The following XPO4 variants were observed in gnomAD, a reference collection of about 807,000 sequenced individuals.
The protein encoded by XPO4 is exportin 4, also known as exportin-4.
A neutral mutation model predicts 143.0 loss-of-function variants in XPO4; 39 were observed. The observed-to-expected ratio is 0.27, with a 90% CI of 0.21 to 0.36. The LOEUF is 0.36. Among genes scored for constraint, XPO4 ranks in the 10% least tolerant of loss-of-function variants. The probability of loss-of-function intolerance (pLI) is 1.00; values close to 1 mark genes in which losing one functional copy is unlikely to be tolerated. For missense variants in XPO4, 907 were observed against 1,348.0 expected (o/e 0.67, Z 5.12); for synonymous variants, 439 against 474.0 (o/e 0.93, Z 0.96).
intron 1 of XPO4, among the ~76,000 whole-genome samples, chr13:20,870,036 G>A (rs942783579): frequency 7.0e-6 from 1 of 142,662 alleles, no homozygotes; most frequent in African/African-American, 2.6e-5. Context: ...GGAGGCAGAG[G>A]TTGCAGTGAG....
chr13:20,787,155 A>T, intron 21 of XPO4, 98 bp from the exon 22 acceptor site: 2 of 1,011,176 alleles, frequency 2.0e-6, no homozygotes, highest in Non-Finnish European at 2.8e-6. Context: ...GTTGGTTGTT[A>T]TTCTATTTAT....
rs1222213648 is a variant in XPO4 at position 20,780,398 on chromosome 13, G to A, written c.*3324C>T. 6.6e-6 allele frequency: 1 copy of A among 152,084 alleles called. No homozygotes were observed. The highest frequency in any genetic ancestry group is 1.5e-5 in the Non-Finnish European group (1 of 68,028). 9.4% of individuals were successfully genotyped at this position (152,084 alleles called of 1,614,324 possible). On this transcript the variant is annotated 3_prime_UTR_variant, in exon 23 of 23. Transcript: ENST00000255305. ...AGCTAGTTCCCTTCAATACTTTAGG[G>A]GTTCATAGAAGTATTAACAGAAATG...
chr13:20,840,946 T>C (rs1164014048), intron 6 of XPO4, among the ~76,000 whole-genome samples: 1 of 152,250 alleles, frequency 6.6e-6, no homozygotes, highest in Non-Finnish European at 1.5e-5. Context: ...TTGCTTATCA[T>C]TTTCAGATGA....
chr13:20,787,717 T>A, intron 20 of XPO4, 119 bp from the exon 21 acceptor site: 2 of 740,934 alleles, frequency 2.7e-6, no homozygotes, highest in Non-Finnish European at 4.5e-6. Flanking sequence ...GATACACAAG[T>A]AGACTCATGG....
intron 13 of XPO4, among the ~76,000 whole-genome samples, chr13:20,806,903 A>G (rs989604347): frequency 6.6e-6 from 1 of 152,088 alleles, no homozygotes; most frequent in African/African-American, 2.4e-5. Flanking sequence ...TTAAGAATTA[A>G]CGAAAATTTT....
intron 6 of XPO4, among the ~76,000 whole-genome samples, chr13:20,832,400 A>C (rs1363467708): frequency 6.6e-6 from 1 of 152,210 alleles, no homozygotes; most frequent in African/African-American, 2.4e-5. Context: ...TGACACTCAA[A>C]AAAATAATTA....
chr13:20,899,676 A>G (rs1164909378), intron 1 of XPO4, among the ~76,000 whole-genome samples: 1 of 152,218 alleles, frequency 6.6e-6, no homozygotes, highest in Non-Finnish European at 1.5e-5. Context: ...AGATTCTTCT[A>G]TGTTCTAAAA....
At chr13:20,893,778 A>G (rs1156499281) in intron 1 of XPO4, among the ~76,000 whole-genome samples, 2 of 151,950 alleles carry the variant, frequency 1.3e-5, no homozygotes, top group Non-Finnish European at 2.9e-5. Context: ...AAAAAAAAAA[A>G]AAAGAAAGAA....
At position 20,847,188 on chromosome 13, in the gene XPO4, A is replaced by G. The variant is rs151028550; in HGVS notation, c.457-3302T>C. Reference sequence around the variant, plus strand: ...CCTGGGGAATGATGAATAATTAAACATTGATTATACATTAAGAGAGCAAAG... The same window carrying G: ...CCTGGGGAATGATGAATAATTAAACGTTGATTATACATTAAGAGAGCAAAG... On this transcript the variant is annotated intron_variant, in intron 4 of 22. Transcript: ENST00000255305. Among the ~76,000 whole-genome samples the G allele has an allele frequency of 2.1e-4, 32 of 152,320 alleles. 1 individual carries two copies. In the East Asian group the frequency reaches 5.8e-3, roughly 28 times the overall value.
At chr13:20,879,329 G>A (rs1309419065) in intron 1 of XPO4, 8 of 984,424 alleles carry the variant, frequency 8.1e-6, no homozygotes, top group Non-Finnish European at 9.6e-6. Flanking sequence ...GGAGAAGGGA[G>A]GGAAGGATTA....
chr13:20,856,532 A>G (rs569864843), intron 3 of XPO4: 1 of 230,118 alleles, frequency 4.3e-6, no homozygotes, highest in African/African-American at 2.3e-5. Flanking sequence ...CCACAAAGAT[A>G]CAACCACCAA....
At chr13:20,849,690 T>C in intron 4 of XPO4, 4 of 984,184 alleles carry the variant, frequency 4.1e-6, no homozygotes, top group Non-Finnish European at 4.8e-6. Context: ...GAATACATCA[T>C]TTTTTACACA....
At position 20,836,903 on chromosome 13, in the gene XPO4, T is replaced by A. The variant is rs73437441; in HGVS notation, c.727+5992A>T. 7.8e-3 allele frequency among the ~76,000 whole-genome samples: 1,190 copies of A among 152,376 alleles called. 20 individuals are homozygous for A. Among genetic ancestry groups the A allele is most frequent in the African/African-American group, 0.027 (1,115 of 41,594 alleles). On this transcript the variant is annotated intron_variant, in intron 6 of 22. Transcript: ENST00000255305. Reference sequence around the variant, plus strand: ...AGATTTGCCCATCCTGGACATTTCATAAATATGTTATCATATAATTTGTGG... The same window carrying A: ...AGATTTGCCCATCCTGGACATTTCAAAAATATGTTATCATATAATTTGTGG...
At chr13:20,855,221 A>T (rs2053575) in intron 4 of XPO4, among the ~76,000 whole-genome samples, 124,055 of 152,090 alleles carry the variant, frequency 0.82, 50,789 homozygotes, top group East Asian at 1. Flanking sequence ...TTCGGGAGGC[A>T]GAAGCAGGCG....
intron 1 of XPO4, among the ~76,000 whole-genome samples, chr13:20,889,745 G>A (rs548374255): frequency 6.6e-6 from 1 of 152,254 alleles, no homozygotes; most frequent in Non-Finnish European, 1.5e-5. Context: ...AAAACAATCT[G>A]TTTTGCTGAA....
Position 20,868,425 on chromosome 13 carries a change from G to A in XPO4, c.175+171C>T, listed in dbSNP as rs1055594450. On this transcript the variant is annotated intron_variant, in intron 2 of 22. Coordinates refer to ENST00000255305, the MANE Select transcript of XPO4 (RefSeq NM_022459.5). ...AAAGTAAAAACAAAGTTTCCCGTCT[G>A]GCTTTACAGAATATCTTTAAAGCTA... 6 of 1,068,808 alleles carry A rather than the reference G, an allele frequency of 5.6e-6. No homozygotes were observed. The African/African-American group carries it at 9.8e-5, about 17-fold the overall frequency. The allele number at this position is 1,068,808 out of a possible 1,614,324, so 66.2% of individuals were successfully genotyped here.
At chr13:20,854,952 A>G (rs1376047978) in intron 4 of XPO4, among the ~76,000 whole-genome samples, 1 of 152,234 alleles carries the variant, frequency 6.6e-6, no homozygotes, top group Non-Finnish European at 1.5e-5. Flanking sequence ...ACTTTATTCA[A>G]ACACTTCTGT....
Position 20,855,620 on chromosome 13 carries a change from C to T in XPO4, c.456+7G>A, listed in dbSNP as rs1295785123. 2 of 1,585,764 alleles carry T rather than the reference C, an allele frequency of 1.3e-6. No homozygotes were observed. Among genetic ancestry groups the T allele is most frequent in the East Asian group, 2.3e-5 (1 of 44,380 alleles). ...TTAATATTTATAAATACAAATAGCA[C>T]ACTTACCACAGTGGGATTGCCACTA... On this transcript the variant is annotated splice_region_variant and intron_variant, in intron 4 of 22. Transcript: ENST00000255305.
At chr13:20,882,109 C>CAAAAAAAAA (rs35404161) in intron 1 of XPO4, among the ~76,000 whole-genome samples, 11 of 93,340 alleles carry the variant, frequency 1.2e-4, no homozygotes, top group African/African-American at 5.2e-4. Flanking sequence ...GACTCGGTCT[C>CAAAAAAAAA]AAAAAAAAAA....
Sources: gnomAD v4.1 joint callset for allele counts (sites outside exome capture counted in the v4.1 genomes callset) on GRCh38, gnomAD v4.1.1 for gene constraint, MANE v1.5 for transcripts, NCBI Gene and HGNC (gene_info 2026-07-23, HGNC 2026-07-21) for gene names.